The following NT5DC3 variants were observed in gnomAD, a reference collection of about 807,000 sequenced individuals.
NT5DC3 encodes 5'-nucleotidase domain-containing protein 3.
A neutral mutation model predicts 67.8 loss-of-function variants in NT5DC3; 42 were observed. The ratio of observed to expected loss-of-function variants is 0.62; its 90% CI spans 0.48 to 0.80. The LOEUF (loss-of-function observed/expected upper bound fraction) is 0.80. Ranked by LOEUF, NT5DC3 falls within the 30% of genes least tolerant of loss-of-function variation. The probability of loss-of-function intolerance (pLI) is 0.00; values close to 1 mark genes in which losing one functional copy is unlikely to be tolerated. For missense variants in NT5DC3, 570 were observed against 696.4 expected, an observed-to-expected ratio of 0.82 and a Z score of 2.04; for synonymous variants, 237 against 255.6, an observed-to-expected ratio of 0.93 and a Z score of 0.69.
intron 1 of NT5DC3, among the ~76,000 whole-genome samples, chr12:103,822,578 T>C (rs1353624936): frequency 6.6e-6 from 1 of 152,246 alleles, no homozygotes; most frequent in Non-Finnish European, 1.5e-5. Context: ...GAAGTCATTT[T>C]CCTCTTGTCA....
At chr12:103,805,282 A>G (rs1886750015) in intron 4 of NT5DC3, among the ~76,000 whole-genome samples, 1 of 152,186 alleles carries the variant, frequency 6.6e-6, no homozygotes, top group South Asian at 2.1e-4. Flanking sequence ...TAAAAAATCT[A>G]AAGACTTTAA....
intron 12 of NT5DC3, among the ~76,000 whole-genome samples, chr12:103,782,626 C>A (rs1885602508): frequency 6.6e-6 from 1 of 152,182 alleles, no homozygotes; most frequent in Admixed American, 6.5e-5. Flanking sequence ...TGGTTGGTTA[C>A]CTGAGAAGCG....
At position 103,833,850 on chromosome 12, in the gene NT5DC3, G is replaced by C. The variant is rs879732162; in HGVS notation, c.208+7099C>G. Among the ~76,000 whole-genome samples the C allele has an allele frequency of 3.3e-5, 5 of 152,180 alleles. 1 individual carries two copies. The highest frequency in any genetic ancestry group is 7.3e-5 in the Non-Finnish European group (5 of 68,030). On this transcript the variant is annotated intron_variant, in intron 1 of 13. Coordinates refer to ENST00000392876, the MANE Select transcript of NT5DC3 (RefSeq NM_001031701.3). ...TCTGATGAGCACACCTGGAAGGCCA[G>C]AGCTTGAGTTCAAAGAAGACACACG... is the stretch of plus-strand genomic sequence containing the variant.
At chr12:103,807,938 T>G (rs1886871816) in intron 2 of NT5DC3, among the ~76,000 whole-genome samples, 1 of 152,188 alleles carries the variant, frequency 6.6e-6, no homozygotes. Context: ...AACCTCTTTT[T>G]CTCTATAAAT....
intron 1 of NT5DC3, among the ~76,000 whole-genome samples, chr12:103,820,562 C>T (rs138721803): frequency 2.0e-5 from 3 of 152,244 alleles, no homozygotes; most frequent in Admixed American, 6.5e-5. Flanking sequence ...TTCTTTAATG[C>T]TCAGAAATGC....
downstream of NT5DC3, chr12:103,766,103 T>G (rs1199079589): frequency 1.3e-6 from 1 of 764,860 alleles, no homozygotes; most frequent in Admixed American, 2.0e-5. Flanking sequence ...CTAAAACAGG[T>G]GGCCCTACCC....
At chr12:103,759,322 A>C in the NT5DC3 span, 4 of 1,602,276 alleles carry the variant, frequency 2.5e-6, no homozygotes, top group African/African-American at 2.7e-5. Flanking sequence ...AATGCATGCA[A>C]AGTTCCTGGC....
intron 4 of NT5DC3, chr12:103,802,451 C>G (rs1886627978): frequency 6.6e-6 from 1 of 152,240 alleles, no homozygotes; most frequent in Non-Finnish European, 1.5e-5. Flanking sequence ...GGAATCCTGT[C>G]TCTCTTCATC....
At chr12:103,803,249 A>C (rs1886658859) in intron 4 of NT5DC3, among the ~76,000 whole-genome samples, 1 of 152,222 alleles carries the variant, frequency 6.6e-6, no homozygotes, top group Non-Finnish European at 1.5e-5. Context: ...AGAAAAACTA[A>C]AAATTGTAAT....
At chr12:103,767,081 T>TTG (rs1473971442), downstream of NT5DC3, among the ~76,000 whole-genome samples, 19 of 152,180 alleles carry the variant, frequency 1.2e-4, no homozygotes, top group African/African-American at 4.6e-4. Context: ...CCCCTAGGTA[T>TTG]ATATCCAAGA....
At chr12:103,781,622 G>T (rs1028740947) in intron 12 of NT5DC3, among the ~76,000 whole-genome samples, 1 of 144,738 alleles carries the variant, frequency 6.9e-6, no homozygotes, top group Non-Finnish European at 1.5e-5. Context: ...GAAAAAAGAA[G>T]ATTTCTCCTG....
intron 11 of NT5DC3, 84 bp downstream of exon 11, chr12:103,787,357 G>A: frequency 1.6e-6 from 1 of 633,546 alleles, no homozygotes; most frequent in Non-Finnish European, 2.6e-6. Context: ...TAAATAAAAG[G>A]TACATCCTTA....
At chr12:103,794,720 G>A (rs1032698711) in intron 6 of NT5DC3, among the ~76,000 whole-genome samples, 6 of 152,352 alleles carry the variant, frequency 3.9e-5, no homozygotes, top group African/African-American at 9.6e-5. Flanking sequence ...AACACAGAAT[G>A]AGAGGCAGAG....
intron 4 of NT5DC3, among the ~76,000 whole-genome samples, chr12:103,803,656 A>G (rs1003986350): frequency 1.3e-5 from 2 of 151,874 alleles, no homozygotes; most frequent in African/African-American, 4.8e-5. Flanking sequence ...TAGATCCCAG[A>G]GTCTATTGTT....
chr12:103,800,595 A>T (rs1274052112), intron 4 of NT5DC3, among the ~76,000 whole-genome samples: 1 of 152,270 alleles, frequency 6.6e-6, no homozygotes, highest in Non-Finnish European at 1.5e-5. Flanking sequence ...CAGAAGACGC[A>T]GTGAAATCTG....
chr12:103,788,868 A>G lies in NT5DC3; in HGVS notation c.1071T>C (p.His357=). 1 of 1,613,584 alleles carries G rather than the reference A, an allele frequency of 6.2e-7. No homozygotes were observed. Among genetic ancestry groups the G allele is most frequent in the Non-Finnish European group, 8.5e-7 (1 of 1,179,494 alleles). ...TGTATATCTGGCCTTTCTGCAACTT[A>G]TGGATTTTATCCCAGAGTAAGACAC... ...EKGVLLWDKI[H]KLQKGQIYKQ... Residue 357 remains histidine, a synonymous_variant, in exon 10 of 14, where the codon CAT becomes CAC. Coordinates refer to ENST00000392876, the MANE Select transcript of NT5DC3 (RefSeq NM_001031701.3).
intron 1 of NT5DC3, among the ~76,000 whole-genome samples, chr12:103,836,125 G>C (rs1002992036): frequency 6.6e-6 from 1 of 152,104 alleles, no homozygotes; most frequent in Non-Finnish European, 1.5e-5. Context: ...TCTGGGAGAT[G>C]GTATTCAAGA....
At chr12:103,818,640 T>C (rs1887364143) in intron 1 of NT5DC3, among the ~76,000 whole-genome samples, 1 of 152,202 alleles carries the variant, frequency 6.6e-6, no homozygotes, top group African/African-American at 2.4e-5. Flanking sequence ...TCTCCCAAAG[T>C]GCTGGGGTTA....
At chr12:103,804,823 G>A (rs535645739) in intron 4 of NT5DC3, among the ~76,000 whole-genome samples, 3 of 152,286 alleles carry the variant, frequency 2.0e-5, no homozygotes, top group South Asian at 2.1e-4. Context: ...AGACTGAGGC[G>A]GGCAGATCAC....
Sources: allele counts gnomAD v4.1 joint callset (sites outside exome capture counted in the v4.1 genomes callset), GRCh38; gene constraint gnomAD v4.1.1; transcripts MANE v1.5; gene names NCBI Gene and HGNC (gene_info 2026-07-23, HGNC 2026-07-21).